The following RANBP2 variants were observed in gnomAD, a reference collection of about 807,000 sequenced individuals.
RANBP2 encodes RAN binding protein 2, also known as E3 SUMO-protein ligase RanBP2.
Under a neutral mutation model 303.6 loss-of-function variants are expected in RANBP2, and 57 were observed. The observed-to-expected ratio is 0.19, with a 90% confidence interval of 0.15 to 0.23. The LOEUF (loss-of-function observed/expected upper bound fraction) is 0.23, where lower values mean the gene tolerates loss of function less well. RANBP2 is among the 10% of genes least tolerant of loss of function. The pLI, the probability that RANBP2 is intolerant of heterozygous loss-of-function variation, is 1.00. For synonymous variants in RANBP2, 1,167 were observed against 1,301.5 expected (o/e 0.90, Z 2.23); for missense variants, 3,138 against 3,780.8 (o/e 0.83, Z 4.46).
the RANBP2 span, among the ~76,000 whole-genome samples, chr2:109,463,446 G>A: frequency 0.47 from 71,758 of 152,110 alleles, 18,470 homozygotes; most frequent in Non-Finnish European, 0.56. Context: ...TGTAAGGTCC[G>A]GCCTGTGGAG....
chr2:109,209,390 G>C, the RANBP2 span, among the ~76,000 whole-genome samples: 4 of 152,292 alleles, frequency 2.6e-5, no homozygotes, highest in African/African-American at 9.6e-5. Flanking sequence ...CTGAGTGATA[G>C]TGTTTGTCCA....
At chr2:108,741,998 A>G (rs1240612465) in intron 7 of RANBP2, among the ~76,000 whole-genome samples, 10 of 151,160 alleles carry the variant, frequency 6.6e-5, no homozygotes, top group Non-Finnish European at 1.3e-4. Flanking sequence ...TCTAATATAA[A>G]TCTTTTTTTC....
At chr2:109,652,763 A>G in the RANBP2 span, among the ~76,000 whole-genome samples, 1 of 152,224 alleles carries the variant, frequency 6.6e-6, no homozygotes, top group Non-Finnish European at 1.5e-5. Context: ...TCTCAAAAGC[A>G]TAAATTATAG....
chr2:109,421,111 T>C, the RANBP2 span, among the ~76,000 whole-genome samples: 3 of 152,132 alleles, frequency 2.0e-5, no homozygotes, highest in African/African-American at 7.2e-5. Flanking sequence ...AGGAGGCACA[T>C]GGAAAAGTGG....
At chr2:108,943,584 C>T in the RANBP2 span, among the ~76,000 whole-genome samples, 2 of 152,196 alleles carry the variant, frequency 1.3e-5, no homozygotes, top group African/African-American at 4.8e-5. Context: ...TGACATGGGG[C>T]AGTCACCACG....
chr2:108,907,239 G>C, the RANBP2 span, among the ~76,000 whole-genome samples: 1 of 152,210 alleles, frequency 6.6e-6, no homozygotes, highest in Non-Finnish European at 1.5e-5. Flanking sequence ...TGTCTGGTTA[G>C]ATAAAACCCC....
downstream of RANBP2, chr2:108,787,057 C>A (rs887536702): frequency 1.6e-5 from 7 of 441,204 alleles, no homozygotes; most frequent in Admixed American, 9.4e-5. Context: ...GCTTGGGCCT[C>A]GTGGAAGCAG....
At chr2:109,320,644 A>C in the RANBP2 span, among the ~76,000 whole-genome samples, 2 of 152,238 alleles carry the variant, frequency 1.3e-5, no homozygotes, top group Non-Finnish European at 2.9e-5. Context: ...CCAGCTCTAT[A>C]ACACCCAATA....
At chr2:108,912,875 G>T in the RANBP2 span, 2 of 843,522 alleles carry the variant, frequency 2.4e-6, no homozygotes, top group African/African-American at 1.7e-5. Flanking sequence ...CTGAGGCAGT[G>T]ATGGCTGAGG....
chr2:108,745,759 T>C (rs1002453341), intron 7 of RANBP2, among the ~76,000 whole-genome samples: 6 of 152,164 alleles, frequency 3.9e-5, no homozygotes, highest in Non-Finnish European at 8.8e-5. Flanking sequence ...TAGGGTGTCA[T>C]ATCTACTCAA....
At chr2:109,388,807 G>C in the RANBP2 span, among the ~76,000 whole-genome samples, 54 of 150,430 alleles carry the variant, frequency 3.6e-4, 1 homozygote, top group Middle Eastern at 6.8e-3. Flanking sequence ...TGTTCTCCTA[G>C]GGTTGCTCTG....
the RANBP2 span, among the ~76,000 whole-genome samples, chr2:109,305,281 G>A: frequency 1.3e-5 from 2 of 152,274 alleles, no homozygotes; most frequent in East Asian, 1.9e-4. Flanking sequence ...CAGACTGGAG[G>A]CGTTTTGACT....
chr2:109,721,375 T>C, the RANBP2 span, among the ~76,000 whole-genome samples: 1 of 152,154 alleles, frequency 6.6e-6, no homozygotes, highest in Admixed American at 6.5e-5. Context: ...GTTTCCAAAG[T>C]GGCAGACTCA....
the RANBP2 span, among the ~76,000 whole-genome samples, chr2:109,149,459 C>A: frequency 6.6e-6 from 1 of 152,210 alleles, no homozygotes; most frequent in African/African-American, 2.4e-5. Flanking sequence ...GAGGTTGCCA[C>A]AGCATTTCAT....
At chr2:109,205,647 C>T in the RANBP2 span, among the ~76,000 whole-genome samples, 5 of 152,168 alleles carry the variant, frequency 3.3e-5, no homozygotes, top group Non-Finnish European at 7.3e-5. Flanking sequence ...AATCACATGG[C>T]TCAGTCTGTT....
the RANBP2 span, among the ~76,000 whole-genome samples, chr2:109,187,017 T>C: frequency 6.7e-6 from 1 of 149,810 alleles, no homozygotes; most frequent in South Asian, 2.2e-4. Flanking sequence ...GAGCTGGGCC[T>C]AGCCCTGGCA....
At position 108,730,896 on chromosome 2, in the gene RANBP2, GGA is replaced by G. The variant is rs749271002; in HGVS notation, c.252+12_252+13del. On this transcript the variant is annotated intron_variant, in intron 3 of 28. Transcript: ENST00000283195. ...GTTGAATGTTACAGGGTAAGTTACA[GGA>G]TTCAAATATAGCCTTTGCATAGCCA... 1 of 1,611,442 alleles carries G rather than the reference GGA, an allele frequency of 6.2e-7. No individual in the cohort carries two copies. Among genetic ancestry groups the G allele is most frequent in the African/African-American group, 1.3e-5 (1 of 74,826 alleles).
chr2:109,735,741 G>T, the RANBP2 span, among the ~76,000 whole-genome samples: 3 of 152,082 alleles, frequency 2.0e-5, no homozygotes, highest in Admixed American at 1.3e-4. Flanking sequence ...AGTAAATTTT[G>T]TAAACTCAAG....
the RANBP2 span, among the ~76,000 whole-genome samples, chr2:108,838,365 T>A: frequency 6.6e-6 from 1 of 152,332 alleles, no homozygotes; most frequent in African/African-American, 2.4e-5. Context: ...AATACACTCA[T>A]AATCATTAGT....
Sources: gnomAD v4.1 joint callset for allele counts (sites outside exome capture counted in the v4.1 genomes callset) on GRCh38, gnomAD v4.1.1 for gene constraint, MANE v1.5 for transcripts, NCBI Gene and HGNC (gene_info 2026-07-23, HGNC 2026-07-21) for gene names.